CBX5: variants seen among roughly 807,000 people sequenced by gnomAD.
CBX5 encodes the protein chromobox protein homolog 5.
Under a neutral mutation model 20.7 loss-of-function variants are expected in CBX5, and 7 were observed. The observed-to-expected ratio is 0.34, with a 90% CI of 0.19 to 0.63. The LOEUF is 0.63. Among genes scored for constraint, CBX5 ranks in the 30% least tolerant of loss-of-function variants. The probability of loss-of-function intolerance (pLI) is 0.75; values close to 1 mark genes in which losing one functional copy is unlikely to be tolerated. For missense variants in CBX5, 110 were observed against 224.1 expected, an observed-to-expected ratio of 0.49 and a Z score of 3.25; for synonymous variants, 78 against 77.0, an observed-to-expected ratio of 1.01 and a Z score of -0.07.
rs1017888651 is a variant in CBX5 at position 54,247,384 on chromosome 12, G to A, written c.325-1169C>T. On this transcript the variant is annotated intron_variant, in intron 3 of 4. Coordinates refer to ENST00000209875, the MANE Select transcript of CBX5 (RefSeq NM_012117.3). ...GGGCAACTGTCTCTGCAAATTAGCT[G>A]GGCACAGTGATGCACACTTGAAGTG... Among the ~76,000 whole-genome samples, 3 of 152,116 alleles carry A rather than the reference G, an allele frequency of 2.0e-5. No homozygotes were observed. The East Asian group carries it at 5.8e-4, about 29-fold the overall frequency.
At chr12:54,267,535 G>A (rs932382103) in intron 1 of CBX5, among the ~76,000 whole-genome samples, 5 of 150,474 alleles carry the variant, frequency 3.3e-5, no homozygotes, top group Admixed American at 1.3e-4. Flanking sequence ...TTTTTGAGAC[G>A]GAGTCTAGCT....
chr12:54,231,859 G>A lies in CBX5; in HGVS notation c.*9896C>T, dbSNP rs1943572644. On this transcript the variant is annotated 3_prime_UTR_variant, in exon 5 of 5. Transcript: ENST00000209875. ...TTTTGGGGGTGGGGGGTGGAAATAA[G>A]GTGGTCACATTTATTCAATCAGCTG... is the stretch of plus-strand genomic sequence containing the variant. 2 of 152,302 alleles carry A rather than the reference G, an allele frequency of 1.3e-5. No individual in the cohort carries two copies. Among genetic ancestry groups the A allele is most frequent in the African/African-American group, 4.8e-5 (2 of 41,362 alleles). The allele number at this position is 152,302 out of a possible 1,614,324, so 9.4% of individuals were successfully genotyped here. A position where few individuals can be genotyped will look rare whatever the true frequency, so the allele number is the denominator to read the frequency against.
chr12:54,271,044 A>G (rs1944004415), intron 1 of CBX5, among the ~76,000 whole-genome samples: 1 of 152,208 alleles, frequency 6.6e-6, no homozygotes, highest in Non-Finnish European at 1.5e-5. Flanking sequence ...TGACAGAACA[A>G]GACCCCGTTT....
At chr12:54,258,763 G>A (rs1240841383) in intron 1 of CBX5, among the ~76,000 whole-genome samples, 1 of 152,114 alleles carries the variant, frequency 6.6e-6, no homozygotes, top group African/African-American at 2.4e-5. Flanking sequence ...AGCAGAAATT[G>A]TTTTCTTAGC....
intron 1 of CBX5, among the ~76,000 whole-genome samples, chr12:54,270,028 G>A (rs1438574723): frequency 1.3e-5 from 2 of 152,048 alleles, no homozygotes; most frequent in South Asian, 2.1e-4. Flanking sequence ...TCCTAATATT[G>A]TTAATTAGTA....
chr12:54,247,672 C>A (rs1003088343), intron 3 of CBX5, among the ~76,000 whole-genome samples: 1 of 152,080 alleles, frequency 6.6e-6, no homozygotes, highest in South Asian at 2.1e-4. Flanking sequence ...AAATTTTATA[C>A]AAGCCAGGTA....
chr12:54,245,989 A>ATTG, intron 4 of CBX5, 126 bp downstream of exon 4: 1 of 714,110 alleles, frequency 1.4e-6, no homozygotes, highest in Non-Finnish European at 2.5e-6. Flanking sequence ...GTCTCAAAAA[A>ATTG]AGAAAGATCT....
At chr12:54,245,483 C>A (rs1045281789) in intron 4 of CBX5, among the ~76,000 whole-genome samples, 3 of 152,004 alleles carry the variant, frequency 2.0e-5, no homozygotes, top group Non-Finnish European at 4.4e-5. Flanking sequence ...ACAGCAAAAC[C>A]CCGACTCTAC....
At chr12:54,275,073 A>G (rs1944048263) in intron 1 of CBX5, among the ~76,000 whole-genome samples, 1 of 152,182 alleles carries the variant, frequency 6.6e-6, no homozygotes, top group Non-Finnish European at 1.5e-5. Flanking sequence ...TTCCCTAGCC[A>G]TATACAAATC....
chr12:54,254,295 C>T (rs1943841723), intron 2 of CBX5, among the ~76,000 whole-genome samples: 1 of 131,834 alleles, frequency 7.6e-6, no homozygotes. Flanking sequence ...CGAGCTATTG[C>T]ACTCCAGCCT....
chr12:54,246,230 TAAAG>T lies in CBX5; in HGVS notation c.325-19_325-16del. 1 of 1,579,998 alleles carries T rather than the reference TAAAG, an allele frequency of 6.3e-7. No individual in the cohort carries two copies. Among genetic ancestry groups the T allele is most frequent in the Admixed American group, 1.7e-5 (1 of 59,862 alleles). ...TCATTGCTCTGCTATAAATAGAAGA[TAAAG>T]AAAGGTTACAGCTTGTGGAAAGAGT... is the stretch of plus-strand genomic sequence containing the variant. On this transcript the variant is annotated splice_polypyrimidine_tract_variant and intron_variant, in intron 3 of 4. Coordinates refer to ENST00000209875, the MANE Select transcript of CBX5 (RefSeq NM_012117.3).
intron 1 of CBX5, among the ~76,000 whole-genome samples, chr12:54,261,745 C>A (rs150832604): frequency 7.9e-5 from 12 of 152,224 alleles, no homozygotes; most frequent in African/African-American, 2.9e-4. Context: ...AGGATCCTGA[C>A]TCTGATTAAC....
Position 54,246,780 on chromosome 12 carries a change from C to CAAAA in CBX5, c.325-569_325-566dup, listed in dbSNP as rs772454046. Among the ~76,000 whole-genome samples the CAAAA allele has an allele frequency of 9.5e-4, 44 of 46,238 alleles. No homozygotes were observed. The East Asian group carries it at 0.017, about 18-fold the overall frequency. The allele number at this position is 46,238 out of a possible 152,430, so 30.3% of individuals were successfully genotyped here. A position where few individuals can be genotyped will look rare whatever the true frequency, so the allele number is the denominator to read the frequency against. On this transcript the variant is annotated intron_variant, in intron 3 of 4. Transcript: ENST00000209875. Reference sequence around the variant, plus strand: ...TGGGCAACATAGCAAGACTCCGTCTCAAAAAAAAAAAAAAAAAAAAGAAAA... The same window carrying CAAAA: ...TGGGCAACATAGCAAGACTCCGTCTCAAAAAAAAAAAAAAAAAAAAAAAAGAAAA...
chr12:54,252,798 AAC>A (rs1943819810), intron 2 of CBX5, among the ~76,000 whole-genome samples: 1 of 151,978 alleles, frequency 6.6e-6, no homozygotes, highest in Non-Finnish European at 1.5e-5. Flanking sequence ...CAGCCTGGCC[AAC>A]ACAGTGAAAC....
chr12:54,252,457 C>A (rs1943816053), intron 2 of CBX5: 1 of 394,498 alleles, frequency 2.5e-6, no homozygotes, highest in Non-Finnish European at 4.4e-6. Flanking sequence ...ATTTTAATAG[C>A]CAAAAACAGA....
At chr12:54,245,164 C>A (rs770265853) in intron 4 of CBX5, among the ~76,000 whole-genome samples, 9 of 151,926 alleles carry the variant, frequency 5.9e-5, no homozygotes, top group Admixed American at 1.3e-4. Flanking sequence ...GCATGCGTCA[C>A]CACGCCCAGC....
At chr12:54,256,998 G>C (rs1367190225) in intron 2 of CBX5, among the ~76,000 whole-genome samples, 20 of 152,050 alleles carry the variant, frequency 1.3e-4, no homozygotes, top group Admixed American at 1.3e-3. Context: ...GGAGTAGCTG[G>C]GATTACAGGG....
At position 54,241,400 on chromosome 12, in the gene CBX5, C is replaced by A; in HGVS notation, c.*355G>T. The A allele has an allele frequency of 5.8e-6, 1 of 171,142 alleles. No individual in the cohort carries two copies. Among genetic ancestry groups the A allele is most frequent in the Non-Finnish European group, 1.2e-5 (1 of 80,866 alleles). 10.6% of individuals were successfully genotyped at this position (171,142 alleles called of 1,614,324 possible). ...TCAACATCATTGTAACAAAATCCCC[C>A]AACCTAAAAAGCGACCAACCCTGAA... On this transcript the variant is annotated 3_prime_UTR_variant, in exon 5 of 5. Coordinates refer to ENST00000209875, the MANE Select transcript of CBX5 (RefSeq NM_012117.3).
chr12:54,261,265 T>C (rs1943913996), intron 1 of CBX5, among the ~76,000 whole-genome samples: 2 of 151,002 alleles, frequency 1.3e-5, no homozygotes, highest in Admixed American at 1.3e-4. Flanking sequence ...GAAGAAACCA[T>C]AGGGTGTAAG....
Sources: allele counts gnomAD v4.1 joint callset (sites outside exome capture counted in the v4.1 genomes callset), GRCh38; gene constraint gnomAD v4.1.1; transcripts MANE v1.5; gene names NCBI Gene and HGNC (gene_info 2026-07-23, HGNC 2026-07-21).